KIFC3: variants seen among roughly 807,000 people sequenced by gnomAD.
KIFC3 encodes kinesin family member C3, also known as kinesin-like protein KIFC3.
A neutral mutation model predicts 101.8 loss-of-function variants in KIFC3; 60 were observed. The ratio of observed to expected loss-of-function variants is 0.59; its 90% CI spans 0.48 to 0.73. The LOEUF (loss-of-function observed/expected upper bound fraction) is 0.73, where lower values mean the gene tolerates loss of function less well. Among genes scored for constraint, KIFC3 ranks in the 30% least tolerant of loss-of-function variants. The pLI, the probability that KIFC3 is intolerant of heterozygous loss-of-function variation, is 0.00. For synonymous variants in KIFC3, 476 were observed against 482.7 expected (o/e 0.99, Z 0.18); for missense variants, 966 against 1,137.1 (o/e 0.85, Z 2.16).
intron 1 of KIFC3, among the ~76,000 whole-genome samples, chr16:57,852,362 C>T (rs1221394303): frequency 1.3e-5 from 2 of 152,028 alleles, no homozygotes; most frequent in Middle Eastern, 3.2e-3. Context: ...TGAATCACCC[C>T]ACCTCCTGCC....
chr16:57,861,332 G>A (rs1959258893), intron 1 of KIFC3, among the ~76,000 whole-genome samples: 2 of 152,136 alleles, frequency 1.3e-5, no homozygotes, highest in Admixed American at 6.6e-5. Context: ...CCTGGAAATG[G>A]GGAATGCTAC....
intron 2 of KIFC3, among the ~76,000 whole-genome samples, chr16:57,796,416 C>T (rs555166812): frequency 1.3e-5 from 2 of 152,270 alleles, no homozygotes; most frequent in East Asian, 3.9e-4. Context: ...GGCAAAGAAC[C>T]GGAAGCCTGG....
At chr16:57,850,478 T>TG (rs1320222248) in intron 1 of KIFC3, among the ~76,000 whole-genome samples, 7 of 137,130 alleles carry the variant, frequency 5.1e-5, no homozygotes, top group Non-Finnish European at 1.1e-4. Context: ...TTTTTTTTTT[T>TG]TTTTTTTTTT....
intron 1 of KIFC3, chr16:57,798,507 C>T (rs782737812): frequency 8.6e-6 from 5 of 583,982 alleles, no homozygotes; most frequent in Admixed American, 3.1e-5. Context: ...CTCCGAAGTG[C>T]GAAAGTTGCA....
chr16:57,777,127 A>G (rs188805146), intron 3 of KIFC3: 212 of 152,370 alleles, frequency 1.4e-3, no homozygotes, highest in Non-Finnish European at 1.0e-3. Flanking sequence ...TAAAGTACCG[A>G]GGAATAAACT....
chr16:57,771,831 A>C, intron 4 of KIFC3, 145 bp from the exon 5 acceptor site: 2 of 1,047,202 alleles, frequency 1.9e-6, no homozygotes, highest in Non-Finnish European at 1.3e-6. Flanking sequence ...GAAAAAGAAA[A>C]AGGCAAGGGC....
At chr16:57,758,958 G>A (rs975516551) in intron 19 of KIFC3, 49 bp from the exon 20 acceptor site, 1 of 1,545,172 alleles carries the variant, frequency 6.5e-7, no homozygotes, top group Non-Finnish European at 8.7e-7. Flanking sequence ...CCCACCGGCA[G>A]CCCACAGCAG....
chr16:57,830,571 C>T (rs2055560693), intron 1 of KIFC3: 1 of 152,150 alleles, frequency 6.6e-6, no homozygotes, highest in Non-Finnish European at 1.5e-5. Flanking sequence ...TGCATGTCAT[C>T]CTTGTGCAGG....
chr16:57,762,323 C>A, intron 12 of KIFC3, 53 bp from the exon 13 acceptor site: 2 of 1,440,120 alleles, frequency 1.4e-6, no homozygotes, highest in East Asian at 2.6e-5. Context: ...CAAAGACGCT[C>A]GTGTGGTGTC....
At chr16:57,774,715 A>T in intron 3 of KIFC3, 1 of 446,402 alleles carries the variant, frequency 2.2e-6, no homozygotes, top group Non-Finnish European at 3.9e-6. Context: ...TAATGTATAG[A>T]AGGGTCTTGC....
At chr16:57,842,994 A>T (rs1475754550) in intron 1 of KIFC3, among the ~76,000 whole-genome samples, 1 of 152,084 alleles carries the variant, frequency 6.6e-6, no homozygotes, top group Non-Finnish European at 1.5e-5. Context: ...TTAGCCAGGC[A>T]TGGTGGTGCA....
intron 3 of KIFC3, chr16:57,776,310 C>T: frequency 1.0e-6 from 1 of 985,450 alleles, no homozygotes; most frequent in Non-Finnish European, 1.2e-6. Flanking sequence ...CACAGAAGGC[C>T]TGATCCTGGC....
In KIFC3 at chr16:57,769,026, G is replaced by A. The variant is rs568980589; in HGVS notation, c.1218+569C>T. 1.3e-5 allele frequency among the ~76,000 whole-genome samples: 2 copies of A among 152,226 alleles called. No homozygotes were observed. Among genetic ancestry groups the A allele is most frequent in the South Asian group, 2.1e-4 (1 of 4,834 alleles). ...AATAAATAATTTTTTTAAAAAATACGTATGTAGCATGTTTTTTGTTTGTTT... is the reference window on the plus strand; with the variant it reads ...AATAAATAATTTTTTTAAAAAATACATATGTAGCATGTTTTTTGTTTGTTT... On this transcript the variant is annotated intron_variant, in intron 9 of 19. Transcript: ENST00000445690. The surrounding 1 kb of genome is among the most constrained non-coding windows in gnomAD (Gnocchi z 4.3).
chr16:57,799,494 C>T (rs1210148925), intron 1 of KIFC3, among the ~76,000 whole-genome samples: 1 of 152,178 alleles, frequency 6.6e-6, no homozygotes, highest in Non-Finnish European at 1.5e-5. Flanking sequence ...TGGGCCCACA[C>T]ACATTCATGT....
At chr16:57,776,473 G>C (rs1555611909) in intron 3 of KIFC3, 1 of 929,586 alleles carries the variant, frequency 1.1e-6, no homozygotes, top group East Asian at 1.2e-4. Context: ...TTCTAATCCA[G>C]ACATCCCCTT....
chr16:57,767,003 C>A lies in KIFC3; in HGVS notation c.1219-18G>T, dbSNP rs558622069. The A allele has an allele frequency of 6.2e-7, 1 of 1,601,232 alleles. No individual in the cohort carries two copies. Among genetic ancestry groups the A allele is most frequent in the South Asian group, 1.1e-5 (1 of 90,830 alleles). The stretch of plus-strand genomic sequence containing the variant: ...TGGCCTATCTGGTGGGGGGTGCACA[C>A]CACTGTCAGGGGGACGGCTCCATCA... On this transcript the variant is annotated intron_variant, in intron 9 of 19. Coordinates refer to ENST00000445690, the MANE Select transcript of KIFC3 (RefSeq NM_001130100.2).
At chr16:57,826,313 G>A (rs2055456974) in intron 1 of KIFC3, among the ~76,000 whole-genome samples, 3 of 152,126 alleles carry the variant, frequency 2.0e-5, no homozygotes, top group Admixed American at 2.0e-4. Context: ...TTCAAAGAGT[G>A]GACCCAACTG....
chr16:57,862,273 C>T (rs141023796), intron 1 of KIFC3, among the ~76,000 whole-genome samples: 3,224 of 151,366 alleles, frequency 0.021, 58 homozygotes, highest in Non-Finnish European at 0.033. Flanking sequence ...ATCCTCCCGC[C>T]TCAGCCTCTC....
chr16:57,770,085 G>T, intron 7 of KIFC3, 130 bp from the exon 8 acceptor site: 1 of 1,171,382 alleles, frequency 8.5e-7, no homozygotes, highest in Non-Finnish European at 1.2e-6. Flanking sequence ...TGCACACCCA[G>T]AGGGGCAGAA....
Sources: allele counts gnomAD v4.1 joint callset (sites outside exome capture counted in the v4.1 genomes callset), GRCh38; gene constraint gnomAD v4.1.1; non-coding constraint Gnocchi (gnomAD v3.1); transcripts MANE v1.5; gene names NCBI Gene and HGNC (gene_info 2026-07-23, HGNC 2026-07-21).